WDR70: variants seen among roughly 807,000 people sequenced by gnomAD.
WDR70 encodes the protein WD repeat domain 70.
In WDR70, 53 loss-of-function variants were observed where a neutral mutation model predicts 88.6. The ratio of observed to expected loss-of-function variants is 0.60; its 90% confidence interval spans 0.48 to 0.75. WDR70 has a LOEUF of 0.75. Ranked by LOEUF, WDR70 falls within the 30% of genes least tolerant of loss-of-function variation. WDR70 has a pLI of 0.00. For synonymous variants in WDR70, 280 were observed against 270.0 expected (o/e 1.04, Z -0.36); for missense variants, 610 against 823.2 (o/e 0.74, Z 3.17).
intron 9 of WDR70, among the ~76,000 whole-genome samples, chr5:37,563,521 CA>C (rs1742607251): frequency 1.5e-5 from 1 of 64,760 alleles, no homozygotes; most frequent in East Asian, 4.0e-4. Flanking sequence ...AGGCGCCCCT[CA>C]CCTCCCGGAT....
intron 7 of WDR70, among the ~76,000 whole-genome samples, chr5:37,472,836 C>T (rs750750750): frequency 1.3e-4 from 19 of 151,970 alleles, no homozygotes; most frequent in Non-Finnish European, 2.5e-4. Flanking sequence ...AGCTTTTGGA[C>T]GTAATGAATA....
chr5:37,705,603 T>C (rs1747299858), intron 13 of WDR70, among the ~76,000 whole-genome samples: 1 of 152,184 alleles, frequency 6.6e-6, no homozygotes, highest in Admixed American at 6.5e-5. Flanking sequence ...ACAGTCCGTT[T>C]GACCTATTGT....
At chr5:37,623,894 CAAGT>C (rs1291960931) in intron 10 of WDR70, among the ~76,000 whole-genome samples, 1 of 152,070 alleles carries the variant, frequency 6.6e-6, no homozygotes, top group Admixed American at 6.6e-5. Flanking sequence ...TTTTAATTGA[CAAGT>C]AATAATTATA....
At chr5:37,728,364 CAA>C (rs5867361) in intron 17 of WDR70, among the ~76,000 whole-genome samples, 92 of 134,296 alleles carry the variant, frequency 6.9e-4, no homozygotes, top group South Asian at 5.2e-3. Flanking sequence ...AAAAAAAAAA[CAA>C]AAAAAAAAAA....
chr5:37,673,012 A>G (rs1048426318), intron 10 of WDR70, among the ~76,000 whole-genome samples: 2 of 152,098 alleles, frequency 1.3e-5, no homozygotes, highest in African/African-American at 4.8e-5. Context: ...TATTAAGCCT[A>G]GTACCTATTA....
intron 7 of WDR70, among the ~76,000 whole-genome samples, chr5:37,461,037 C>T (rs1476670322): frequency 6.8e-6 from 1 of 147,408 alleles, no homozygotes; most frequent in East Asian, 2.0e-4. Context: ...TTATTTTGCT[C>T]AGGATGCATG....
chr5:37,399,226 C>T (rs1277799949), intron 5 of WDR70, among the ~76,000 whole-genome samples: 3 of 152,090 alleles, frequency 2.0e-5, no homozygotes, highest in Admixed American at 6.6e-5. Context: ...TGCAGTGAGC[C>T]GAGATGGCGC....
chr5:37,557,902 TACTCTTTTGAAA>T (rs1303539745), intron 9 of WDR70, among the ~76,000 whole-genome samples: 1 of 131,310 alleles, frequency 7.6e-6, no homozygotes, highest in East Asian at 2.2e-4. Context: ...TTCAGATTTA[TACTCTTTTGAAA>T]ACTCTTCAAA....
At chr5:37,402,329 T>A (rs6868562) in intron 5 of WDR70, among the ~76,000 whole-genome samples, 27,602 of 147,424 alleles carry the variant, frequency 0.19, 2,916 homozygotes, top group East Asian at 0.37. Flanking sequence ...GTGTGTGTGT[T>A]TTAAATTTTT....
At chr5:37,572,042 A>G (rs1018345506) in intron 9 of WDR70, among the ~76,000 whole-genome samples, 1 of 152,202 alleles carries the variant, frequency 6.6e-6, no homozygotes, top group African/African-American at 2.4e-5. Context: ...GAAGCCAGTG[A>G]TAACAGCTTC....
At chr5:37,439,413 G>C (rs1750582379) in intron 6 of WDR70, among the ~76,000 whole-genome samples, 1 of 152,070 alleles carries the variant, frequency 6.6e-6, no homozygotes, top group African/African-American at 2.4e-5. Context: ...AAAAATTGTA[G>C]ACTGAGTATT....
intron 7 of WDR70, among the ~76,000 whole-genome samples, chr5:37,474,548 A>G (rs1388281960): frequency 6.6e-6 from 1 of 151,970 alleles, no homozygotes; most frequent in Non-Finnish European, 1.5e-5. Context: ...CCCATTTGTT[A>G]TTATTCTTTT....
chr5:37,679,819 T>G (rs1257025344), intron 10 of WDR70, among the ~76,000 whole-genome samples: 2 of 152,250 alleles, frequency 1.3e-5, no homozygotes, highest in African/African-American at 4.8e-5. Flanking sequence ...TTTGTTTGTC[T>G]GTGCCCTGCC....
intron 5 of WDR70, among the ~76,000 whole-genome samples, chr5:37,398,318 G>C (rs1749090113): frequency 6.6e-6 from 1 of 151,654 alleles, no homozygotes. Context: ...TCGATCTCCT[G>C]ACCTCGTGAT....
chr5:37,481,970 A>G (rs561218760), intron 8 of WDR70, among the ~76,000 whole-genome samples: 1 of 152,300 alleles, frequency 6.6e-6, no homozygotes, highest in East Asian at 1.9e-4. Context: ...CTTTTCTAAT[A>G]CAGGGGCACA....
At chr5:37,484,031 C>G (rs1460862371) in intron 8 of WDR70, among the ~76,000 whole-genome samples, 1 of 151,368 alleles carries the variant, frequency 6.6e-6, no homozygotes, top group Non-Finnish European at 1.5e-5. Flanking sequence ...ACTTCCTAGA[C>G]GGGATGGCGG....
At chr5:37,734,864 G>C (rs1748255161) in intron 17 of WDR70, among the ~76,000 whole-genome samples, 1 of 152,064 alleles carries the variant, frequency 6.6e-6, no homozygotes, top group Non-Finnish European at 1.5e-5. Flanking sequence ...TATATTACTA[G>C]ATTTCCTAAC....
chr5:37,462,109 CT>C (rs1404387631), intron 7 of WDR70, among the ~76,000 whole-genome samples: 1 of 152,034 alleles, frequency 6.6e-6, no homozygotes, highest in Non-Finnish European at 1.5e-5. Flanking sequence ...TAGGTTATTT[CT>C]TTTGGCATTT....
intron 5 of WDR70, among the ~76,000 whole-genome samples, chr5:37,415,500 T>C (rs1482770576): frequency 4.5e-5 from 2 of 44,106 alleles, no homozygotes; most frequent in African/African-American, 3.3e-4. Context: ...CGGCTGGGGG[T>C]GGGGGGGGCC....
Sources: allele counts gnomAD v4.1 joint callset (sites outside exome capture counted in the v4.1 genomes callset), GRCh38; gene constraint gnomAD v4.1.1; transcripts MANE v1.5; gene names NCBI Gene and HGNC (gene_info 2026-07-23, HGNC 2026-07-21).